NUP62: variants seen among roughly 807,000 people sequenced by gnomAD.
NUP62 encodes nucleoporin 62.
For synonymous variants in NUP62, 305 were observed against 303.4 expected, an observed-to-expected ratio of 1.01 and a Z score of -0.05; for missense variants, 647 against 689.4, an observed-to-expected ratio of 0.94 and a Z score of 0.69.
chr19:49,909,929 G>A lies in NUP62; in HGVS notation c.-77-45C>T, dbSNP rs1456547858. 2.8e-6 allele frequency: 3 copies of A among 1,067,234 alleles called. No individual in the cohort carries two copies. In the African/African-American group the frequency reaches 4.7e-5, roughly 17 times the overall value. 66.1% of individuals were successfully genotyped at this position (1,067,234 alleles called of 1,614,324 possible). On this transcript the variant is annotated intron_variant, in intron 2 of 2. Transcript: ENST00000352066. ...ATTGTCAGATGGCAGTTTTGGAAAG[G>A]CAAGCTCAGTGGCATGACTGGGCAC...
chr19:49,908,330 G>A lies in NUP62; in HGVS notation c.1478C>T (p.Ala493Val), dbSNP rs1437446692. 6.2e-7 allele frequency: 1 copy of A among 1,614,080 alleles called. No individual in the cohort carries two copies. Among genetic ancestry groups the A allele is most frequent in the Admixed American group, 1.7e-5 (1 of 60,030 alleles). The change falls in exon 3 of 3, where the codon GCC (alanine) becomes GTC (valine). Residue 493 changes from alanine to valine, a missense_variant. Transcript: ENST00000352066. ...DSLQWIDQNS[A>V]LLQRKVEEVT... Reference sequence around the variant, plus strand: ...CTCCTCCACCTTCCTCTGCAGCAGGGCCGAGTTCTGGTCGATCCACTGCAG... The same window carrying A: ...CTCCTCCACCTTCCTCTGCAGCAGGACCGAGTTCTGGTCGATCCACTGCAG...
intron 2 of NUP62, among the ~76,000 whole-genome samples, chr19:49,926,805 C>A (rs949128266): frequency 6.6e-6 from 1 of 151,818 alleles, no homozygotes; most frequent in Non-Finnish European, 1.5e-5. Context: ...TCTAACTGCT[C>A]GACACGGATT....
At chr19:49,925,259 C>T (rs190577819) in intron 2 of NUP62, among the ~76,000 whole-genome samples, 63 of 151,968 alleles carry the variant, frequency 4.1e-4, no homozygotes, top group Non-Finnish European at 7.1e-4. Context: ...GAAACTCCGT[C>T]TCAAAAAACC....
intron 2 of NUP62, among the ~76,000 whole-genome samples, chr19:49,925,950 C>T (rs1486552986): frequency 2.0e-5 from 3 of 152,160 alleles, no homozygotes; most frequent in Non-Finnish European, 4.4e-5. Context: ...GTGGCTCACA[C>T]CTGTAATCCC....
chr19:49,911,247 A>C (rs2075454647), intron 2 of NUP62: 1 of 152,248 alleles, frequency 6.6e-6, no homozygotes, highest in Non-Finnish European at 1.5e-5. Context: ...GAAGGGAAGA[A>C]AGCTTGTGGT....
Position 49,927,688 on chromosome 19 carries a change from G to A in NUP62, c.-78+6C>T, listed in dbSNP as rs1600574673. 6.6e-6 allele frequency: 1 copy of A among 152,262 alleles called. No homozygotes were observed. Among genetic ancestry groups the A allele is most frequent in the African/African-American group, 2.4e-5 (1 of 41,462 alleles). 9.4% of individuals were successfully genotyped at this position (152,262 alleles called of 1,614,324 possible). A position where few individuals can be genotyped will look rare whatever the true frequency, so the allele number is the denominator to read the frequency against. On this transcript the variant is annotated splice_donor_region_variant and intron_variant, in intron 2 of 2. Transcript: ENST00000352066. ...GGTAAGGAAGGAGAAAGAAGCTTGT[G>A]TGTACCGCTCAGTATCAGGATTCCT...
At chr19:49,913,385 C>T (rs2075530486) in intron 2 of NUP62, among the ~76,000 whole-genome samples, 1 of 152,124 alleles carries the variant, frequency 6.6e-6, no homozygotes, top group African/African-American at 2.4e-5. Context: ...ACCTGGGGCC[C>T]CAGGCCACTC....
intron 2 of NUP62, among the ~76,000 whole-genome samples, chr19:49,912,470 A>C (rs2075495197): frequency 6.6e-6 from 1 of 152,088 alleles, no homozygotes; most frequent in Non-Finnish European, 1.5e-5. Flanking sequence ...CGCCCGGCCA[A>C]CAGTTCACCA....
At chr19:49,914,013 C>CA (rs1239405847) in intron 2 of NUP62, among the ~76,000 whole-genome samples, 2 of 152,094 alleles carry the variant, frequency 1.3e-5, no homozygotes, top group Non-Finnish European at 2.9e-5. Context: ...ACAATTTGAG[C>CA]AAAGTGTTAA....
chr19:49,909,083 G>C lies in NUP62; in HGVS notation c.725C>G (p.Pro242Arg), dbSNP rs2075393336. ...SATTGLSLCT[P>R]VTTAGAPTAG... ...AGTGGGGGCGCCCGCTGTGGTCACA[G>C]GGGTACAGAGGGAGAGTCCAGTGGT... The change falls in exon 3 of 3, where the codon CCT becomes CGT. Residue 242 changes from proline (P) to arginine (R), a missense_variant. Transcript: ENST00000352066. 1 of 1,612,658 alleles carries C rather than the reference G, an allele frequency of 6.2e-7. No individual in the cohort carries two copies. The highest frequency in any genetic ancestry group is 1.1e-5 in the South Asian group (1 of 91,076).
chr19:49,923,360 C>G (rs2075809818), intron 2 of NUP62, among the ~76,000 whole-genome samples: 1 of 152,184 alleles, frequency 6.6e-6, no homozygotes. Flanking sequence ...CTGAGCAACT[C>G]ATTAGAAAAT....
chr19:49,920,847 C>A (rs367630519), intron 2 of NUP62, among the ~76,000 whole-genome samples: 29 of 152,264 alleles, frequency 1.9e-4, no homozygotes, highest in Admixed American at 1.1e-3. Context: ...GGGGGAGGAA[C>A]GGCGCACACC....
Position 49,908,142 on chromosome 19 carries a change from C to G in NUP62, c.*97G>C. 1 of 1,534,376 alleles carries G rather than the reference C, an allele frequency of 6.5e-7. No individual in the cohort carries two copies. The highest frequency in any genetic ancestry group is 8.7e-7 in the Non-Finnish European group (1 of 1,143,762). On this transcript the variant is annotated 3_prime_UTR_variant, in exon 3 of 3. Coordinates refer to ENST00000352066, the MANE Select transcript of NUP62 (RefSeq NM_016553.5). ...CAGTCATGTGAAAGAAAGAAACAAA[C>G]AAACAAGTATCTTGCCACAACCCCA...
Position 49,909,259 on chromosome 19 carries a change from C to T in NUP62, c.549G>A (p.Thr183=), listed in dbSNP as rs1984656. 0.013 allele frequency: 20,962 copies of T among 1,613,954 alleles called. 205 individuals carry two copies. Among genetic ancestry groups the T allele is most frequent in the African/African-American group, 0.046 (3,477 of 74,948 alleles). ...GAGTGAAGGGCAACGTGGCAGGTGC[C>T]GTGGGCTGGGCTGAATTCCCTGCTG... ...IGSAGNSAQP[T]APATLPFTPA... is the part of the protein sequence containing the mutation. Residue 183 remains threonine, a synonymous_variant, in exon 3 of 3, where the codon ACG becomes ACA. Coordinates refer to ENST00000352066, the MANE Select transcript of NUP62 (RefSeq NM_016553.5).
chr19:49,912,107 A>G (rs1387841237), intron 2 of NUP62, among the ~76,000 whole-genome samples: 1 of 151,968 alleles, frequency 6.6e-6, no homozygotes, highest in African/African-American at 2.4e-5. Context: ...CTTTGCAACT[A>G]TGAAAAAACT....
intron 2 of NUP62, among the ~76,000 whole-genome samples, chr19:49,919,944 C>T (rs1407385927): frequency 6.6e-6 from 1 of 150,946 alleles, no homozygotes; most frequent in Non-Finnish European, 1.5e-5. Context: ...TTTTTTTTTT[C>T]TAAGACAAGG....
At chr19:49,910,512 C>T (rs941303726) in intron 2 of NUP62, among the ~76,000 whole-genome samples, 3 of 152,160 alleles carry the variant, frequency 2.0e-5, no homozygotes, top group Non-Finnish European at 2.9e-5. Flanking sequence ...CCCCTGGCTG[C>T]AGTGATTGGC....
chr19:49,920,645 C>A (rs917219578), intron 2 of NUP62, among the ~76,000 whole-genome samples: 4 of 152,190 alleles, frequency 2.6e-5, no homozygotes, highest in African/African-American at 7.2e-5. Flanking sequence ...GGCAACGGCT[C>A]GGGCAGAGTT....
intron 2 of NUP62, among the ~76,000 whole-genome samples, chr19:49,919,041 T>C (rs2075699229): frequency 6.6e-6 from 1 of 151,994 alleles, no homozygotes; most frequent in Non-Finnish European, 1.5e-5. Context: ...TAATCCCAGC[T>C]ACTCGGGAGG....
Sources: gnomAD v4.1 joint callset for allele counts (sites outside exome capture counted in the v4.1 genomes callset) on GRCh38, gnomAD v4.1.1 for gene constraint, MANE v1.5 for transcripts, NCBI Gene and HGNC (gene_info 2026-07-23, HGNC 2026-07-21) for gene names.